Variants in DUOX2 observed in about 807,000 individuals in gnomAD.
DUOX2 encodes the protein dual oxidase 2.
In DUOX2, 185 loss-of-function variants were observed where a neutral mutation model predicts 183.3. The ratio of observed to expected loss-of-function variants is 1.01; its 90% CI spans 0.90 to 1.14. DUOX2 has a LOEUF of 1.14. DUOX2 is among the 50% of genes most tolerant of loss of function. The pLI is 0.00. For synonymous variants in DUOX2, 788 were observed against 812.4 expected (o/e 0.97, Z 0.51); for missense variants, 1,999 against 2,022.9 (o/e 0.99, Z 0.23).
At chr15:45,113,312 AC>A (rs1894502220) in intron 2 of DUOX2, 29 bp downstream of exon 2, 1 of 1,546,848 alleles carries the variant, frequency 6.5e-7, no homozygotes, top group Non-Finnish European at 8.7e-7. Flanking sequence ...CCTGGGGAAC[AC>A]CCCGCCGCTA....
At chr15:45,105,610 G>A in intron 18 of DUOX2, 33 bp downstream of exon 18, 1 of 1,613,634 alleles carries the variant, frequency 6.2e-7, no homozygotes, top group Non-Finnish European at 8.5e-7. Flanking sequence ...TTCTGGGGCT[G>A]GACCCATCTC....
chr15:45,097,925 A>G (rs1048422529), intron 27 of DUOX2, 84 bp downstream of exon 27: 63 of 1,529,090 alleles, frequency 4.1e-5, no homozygotes, highest in Non-Finnish European at 5.2e-5. Flanking sequence ...CCCCATGGCC[A>G]GTATAGACAA....
Position 45,106,954 on chromosome 15 carries a change from T to C in DUOX2, c.1709A>G (p.Gln570Arg). ...FVWHKGAPCP[Q>R]PKQLTTDGLP... ...GCCGTCAGTTGTGAGCTGCTTAGGT[T>C]GAGGGCAGGGTGCACCTGAGGGAGA... Residue 570 changes from glutamine (Q) to arginine (R), a missense_variant, in exon 15 of 34, where the codon CAA becomes CGA. Physicochemically the swap from Gln to Arg is conservative, Grantham distance 43 (BLOSUM62 1). Coordinates refer to ENST00000389039, the MANE Select transcript of DUOX2 (RefSeq NM_001363711.2). The C allele has an allele frequency of 6.3e-7, 1 of 1,577,708 alleles. No homozygotes were observed. The highest frequency in any genetic ancestry group is 8.6e-7 in the Non-Finnish European group (1 of 1,161,824).
rs1894058325 is a variant in DUOX2 at position 45,100,762 on chromosome 15, C to T, written c.2998G>A (p.Gly1000Ser). ...GATTTGGGAGACACTCACTTTTTGC[C>T]AAACCTCTTCTTCAGTCCAGGGCCT... ...LGGPGLKKRF[G>S]KKAAVPTPRL... The change falls in exon 23 of 34, where the codon GGC becomes AGC. Residue 1000 changes from glycine to serine, a missense_variant. Gly to Ser is a moderately conservative substitution (Grantham distance 56). This residue lies in a region of DUOX2 where 1,628 missense variants were observed against 1,608.6 expected (regional missense o/e 1.01). Coordinates refer to ENST00000389039, the MANE Select transcript of DUOX2 (RefSeq NM_001363711.2). The T allele has an allele frequency of 1.2e-6, 2 of 1,613,996 alleles. No individual in the cohort carries two copies. The highest frequency in any genetic ancestry group is 8.5e-7 in the Non-Finnish European group (1 of 1,179,946).
At position 45,099,388 on chromosome 15, in the gene DUOX2, A is replaced by G. The variant is rs771715647; in HGVS notation, c.3510T>C (p.Asn1170=). ...AAACCATCCCCAGAACTGACCCATC[A>G]TTCACAAAGACGTTGGGGAATATGC... is the stretch of plus-strand genomic sequence containing the variant. ...LACIFPNVFV[N]DGSKLPQKFY... is the part of the protein sequence containing the mutation. The change falls in exon 26 of 34, where the codon AAT becomes AAC. Residue 1170 remains asparagine (N), a synonymous_variant. Transcript: ENST00000389039. 4.0e-5 allele frequency: 64 copies of G among 1,613,672 alleles called. No individual in the cohort carries two copies. The South Asian group carries it at 6.3e-4, about 16-fold the overall frequency.
rs774468038 is a variant in DUOX2, at chr15:45,110,489, C to A, written c.979G>T (p.Glu327Ter). 17 of 1,614,010 alleles carry A rather than the reference C, an allele frequency of 1.1e-5. No individual in the cohort carries two copies. The East Asian group carries it at 3.8e-4, about 36-fold the overall frequency. ...RPFLDPSISP[E>*]FVVASEQFFS... ...AACTGCTCAGAGGCCACCACAAATT[C>A]CGGGGAGATGCTGGGGTCTAGGAAA... The change falls in exon 9 of 34, where the codon GAA becomes TAA. Residue 327 changes from glutamate (E) to a stop codon, truncating the protein, a stop_gained. Coordinates refer to ENST00000389039, the MANE Select transcript of DUOX2 (RefSeq NM_001363711.2). LOFTEE classifies it high-confidence loss of function.
Position 45,103,987 on chromosome 15 carries a change from G to A in DUOX2, c.2627C>T (p.Ser876Phe), listed in dbSNP as rs772609489. The A allele has an allele frequency of 3.1e-6, 5 of 1,614,128 alleles. No individual in the cohort carries two copies. The South Asian group carries it at 5.5e-5, about 18-fold the overall frequency. Residue 876 changes from serine to phenylalanine, a missense_variant, in exon 20 of 34, where the codon TCC (serine) becomes TTC (phenylalanine). Physicochemically the swap from Ser to Phe is radical, Grantham distance 155. Coordinates refer to ENST00000389039, the MANE Select transcript of DUOX2 (RefSeq NM_001363711.2). ...MYDLDENGFL[S>F]KDEFFTMMRS... ...CATCATGGTGAAGAATTCGTCCTTG[G>A]AGAGGAAGCCATTCTCATCCAGGTC...
At position 45,094,185 on chromosome 15, in the gene DUOX2, G is replaced by C. The variant is rs780309467; in HGVS notation, c.4612C>G (p.Arg1538Gly). The change falls in exon 34 of 34, where the codon CGA (arginine) becomes GGA (glycine). Residue 1538 changes from arginine to glycine, a missense_variant. Arg to Gly is a moderately radical substitution (Grantham distance 125). Transcript: ENST00000389039. ...KACQLVNRQD[R>G]AHFMHHYENF ...TCATAGTGGTGCATGAAGTGGGCTCGGTCCTGCCTGTTGACGAGCTGACAG... is the reference window on the plus strand; with the variant it reads ...TCATAGTGGTGCATGAAGTGGGCTCCGTCCTGCCTGTTGACGAGCTGACAG... The C allele has an allele frequency of 6.2e-7, 1 of 1,614,000 alleles. No individual in the cohort carries two copies. Among genetic ancestry groups the C allele is most frequent in the African/African-American group, 1.3e-5 (1 of 74,890 alleles).
In DUOX2 at chr15:45,108,883, T is replaced by C. The variant is rs772040742; in HGVS notation, c.1304A>G (p.Asp435Gly). The C allele has an allele frequency of 6.8e-6, 11 of 1,614,094 alleles. No individual in the cohort carries two copies. The East Asian group carries it at 2.2e-4, about 33-fold the overall frequency. ...CTGGCTATAGCTGGGCAGCCCCATA[T>C]CTCGGCCACGTTGGATGCTGCTGGC... is the stretch of plus-strand genomic sequence containing the variant. The part of the protein sequence containing the change: ...YVASSIQRGR[D>G]MGLPSYSQAL... Residue 435 changes from aspartate to glycine, a missense_variant, in exon 12 of 34, where the codon GAT (aspartate) becomes GGT (glycine). Physicochemically the swap from Asp to Gly is moderately conservative, Grantham distance 94. This residue lies in a region of DUOX2 where 1,628 missense variants were observed against 1,608.6 expected (regional missense o/e 1.01). Coordinates refer to ENST00000389039, the MANE Select transcript of DUOX2 (RefSeq NM_001363711.2).
chr15:45,107,641 C>T (rs1385183985), intron 13 of DUOX2, among the ~76,000 whole-genome samples, 178 bp from the exon 14 acceptor site: 1 of 151,690 alleles, frequency 6.6e-6, no homozygotes, highest in African/African-American at 2.4e-5. Context: ...GTCAGGAGTT[C>T]GAGACCAGCC....
chr15:45,104,072 A>T lies in DUOX2; in HGVS notation c.2561-19T>A, dbSNP rs1566974611. 1.2e-6 allele frequency: 2 copies of T among 1,614,124 alleles called. No individual in the cohort carries two copies. The highest frequency in any genetic ancestry group is 8.5e-7 in the Non-Finnish European group (1 of 1,180,000). The stretch of plus-strand genomic sequence containing the variant: ...GGGGAGCCTGGGAAGAAAAAAGGGA[A>T]TGCAGGTCATCTCCTTGCTGAAAGA... On this transcript the variant is annotated intron_variant, in intron 19 of 33. Coordinates refer to ENST00000389039, the MANE Select transcript of DUOX2 (RefSeq NM_001363711.2).
In DUOX2 at chr15:45,106,850, G is replaced by T; in HGVS notation, c.1813C>A (p.Leu605Ile). The T allele has an allele frequency of 6.3e-7, 1 of 1,593,396 alleles. No homozygotes were observed. The highest frequency in any genetic ancestry group is 8.5e-7 in the Non-Finnish European group (1 of 1,170,832). ...SPGFAITIIA[L>I]CCLPLVSLLL... ...AGCTCACCTAAGGGAAGGCAGCAGA[G>T]AGCAATGATGGTGATGGCAAAACCA... The change falls in exon 15 of 34, where the codon CTC becomes ATC. Residue 605 changes from leucine to isoleucine, a missense_variant. This residue lies in a region of DUOX2 where 1,628 missense variants were observed against 1,608.6 expected (regional missense o/e 1.01). Transcript: ENST00000389039.
At position 45,111,454 on chromosome 15, in the gene DUOX2, C is replaced by T. The variant is rs750773310; in HGVS notation, c.645G>A (p.Ser215=). 858 of 1,547,466 alleles carry T rather than the reference C, an allele frequency of 5.5e-4. 1 individual carries two copies. The highest frequency in any genetic ancestry group is 7.1e-4 in the Non-Finnish European group (811 of 1,149,120). The change falls in exon 6 of 34, where the codon TCG becomes TCA. Residue 215 remains serine (S), a synonymous_variant. Coordinates refer to ENST00000389039, the MANE Select transcript of DUOX2 (RefSeq NM_001363711.2). The part of the protein sequence containing the change: ...SGPDPAFPRD[S]QNPLLMWAAP... ...CCGCCCACATGAGCAGGGGGTTCTG[C>T]GAGTCTCGGGGGAAAGCGGGGTCGG...
At position 45,098,072 on chromosome 15, in the gene DUOX2, G is replaced by A. The variant is rs2141142438; in HGVS notation, c.3516-14C>T. The A allele has an allele frequency of 6.2e-7, 1 of 1,613,826 alleles. No homozygotes were observed. Among genetic ancestry groups the A allele is most frequent in the Non-Finnish European group, 8.5e-7 (1 of 1,179,748 alleles). On this transcript the variant is annotated splice_polypyrimidine_tract_variant and intron_variant, in intron 26 of 33. Transcript: ENST00000389039. ...GGAAGCTTGGACCTGGGGGGCAAAG[G>A]CACCTTGAGCCTCTGACTGGGGCAG...
At chr15:45,112,753 C>G in intron 3 of DUOX2, 35 bp from the exon 4 acceptor site, 1 of 1,608,272 alleles carries the variant, frequency 6.2e-7, no homozygotes, top group South Asian at 1.1e-5. Context: ...TGTCTAAGCA[C>G]TCCATCCCCT....
At chr15:45,106,366 G>A in intron 16 of DUOX2, 39 bp from the exon 17 acceptor site, 3 of 1,609,906 alleles carry the variant, frequency 1.9e-6, no homozygotes, top group Non-Finnish European at 1.7e-6. Context: ...TTCAGCAGAT[G>A]TCCCCAGGTC....
intron 26 of DUOX2, chr15:45,099,156 G>A (rs977245921): frequency 2.3e-4 from 98 of 421,050 alleles, no homozygotes; most frequent in African/African-American, 1.8e-3. Flanking sequence ...GATTACAGGC[G>A]CCCACCACCA....
At chr15:45,099,012 T>TA in intron 26 of DUOX2, 1 of 282,012 alleles carries the variant, frequency 3.5e-6, no homozygotes, top group Non-Finnish European at 6.9e-6. Flanking sequence ...CCTATTTCTT[T>TA]CTTTTTTTTT....
At chr15:45,108,621 C>T (rs567023050) in intron 12 of DUOX2, 168 bp downstream of exon 12, 136 of 774,098 alleles carry the variant, frequency 1.8e-4, no homozygotes, top group Non-Finnish European at 2.4e-4. Context: ...GAATTTAAGT[C>T]CCTCCTCTAT....
Sources: allele counts gnomAD v4.1 joint callset (sites outside exome capture counted in the v4.1 genomes callset), GRCh38; gene constraint gnomAD v4.1.1; regional missense constraint gnomAD v4.1.1; transcripts MANE v1.5; gene names NCBI Gene and HGNC (gene_info 2026-07-23, HGNC 2026-07-21).